The following SCGN variants were observed in gnomAD, a reference collection of about 807,000 sequenced individuals.
SCGN encodes the protein secretagogin, EF-hand calcium binding protein, also known as secretagogin.
Under a neutral mutation model 39.7 loss-of-function variants are expected in SCGN, and 30 were observed. The observed-to-expected ratio is 0.76, with a 90% CI of 0.57 to 1.03. The LOEUF (loss-of-function observed/expected upper bound fraction) is 1.03, where lower values mean the gene tolerates loss of function less well. SCGN is among the 50% of genes least tolerant of loss of function. The pLI is 0.00. For synonymous variants in SCGN, 106 were observed against 114.1 expected, an observed-to-expected ratio of 0.93 and a Z score of 0.45; for missense variants, 353 against 349.4, an observed-to-expected ratio of 1.01 and a Z score of -0.08.
At chr6:25,671,880 A>T (rs1759501974) in intron 6 of SCGN, among the ~76,000 whole-genome samples, 2 of 152,240 alleles carry the variant, frequency 1.3e-5, no homozygotes, top group Non-Finnish European at 1.5e-5. Context: ...TCTCGATTTT[A>T]TTGACTTATA....
At position 25,655,675 on chromosome 6, in the gene SCGN, T is replaced by G. The variant is rs182942359; in HGVS notation, c.153+2223T>G. Among the ~76,000 whole-genome samples, 26 of 152,300 alleles carry G rather than the reference T, an allele frequency of 1.7e-4. No homozygotes were observed. In the East Asian group the frequency reaches 5.0e-3, roughly 29 times the overall value. On this transcript the variant is annotated intron_variant, in intron 2 of 10. Coordinates refer to ENST00000377961, the MANE Select transcript of SCGN (RefSeq NM_006998.4). Reference sequence around the variant, plus strand: ...ATGCCTGAGAATTATATTTTTTTGTTAAAATGCAGACCCCTAGGTCTCATC... The same window carrying G: ...ATGCCTGAGAATTATATTTTTTTGTGAAAATGCAGACCCCTAGGTCTCATC...
chr6:25,658,298 C>T (rs956766446), intron 2 of SCGN, among the ~76,000 whole-genome samples: 1 of 151,654 alleles, frequency 6.6e-6, no homozygotes, highest in African/African-American at 2.4e-5. Context: ...CTGAGCCTCC[C>T]AAAGTGCTGG....
chr6:25,687,468 C>A (rs1214080410), intron 7 of SCGN, among the ~76,000 whole-genome samples: 1 of 151,954 alleles, frequency 6.6e-6, no homozygotes, highest in Non-Finnish European at 1.5e-5. Context: ...ATTCTGAATT[C>A]CACTTTTGGA....
chr6:25,689,096 C>A, intron 7 of SCGN, 76 bp from the exon 8 acceptor site: 1 of 993,134 alleles, frequency 1.0e-6, no homozygotes, highest in Non-Finnish European at 1.5e-6. Context: ...GTACTTTCCA[C>A]ACACCAGGGC....
At chr6:25,664,827 T>C (rs1028275480) in intron 3 of SCGN, 116 bp from the exon 4 acceptor site, 13 of 661,228 alleles carry the variant, frequency 2.0e-5, no homozygotes, top group Non-Finnish European at 2.9e-5. Flanking sequence ...CTGTTCATCC[T>C]GGAAGATCTG....
chr6:25,699,272 G>A (rs1476760362), intron 10 of SCGN, among the ~76,000 whole-genome samples: 2 of 152,094 alleles, frequency 1.3e-5, no homozygotes, highest in African/African-American at 4.8e-5. Flanking sequence ...GAATTTGGTG[G>A]AAAGGCTTTA....
chr6:25,662,667 A>T (rs1338837534), intron 3 of SCGN, among the ~76,000 whole-genome samples: 1 of 152,238 alleles, frequency 6.6e-6, no homozygotes, highest in Non-Finnish European at 1.5e-5. Flanking sequence ...CGTGTTCACC[A>T]GGAGACTGCC....
chr6:25,684,385 T>C lies in SCGN; in HGVS notation c.527+2379T>C, dbSNP rs1029101216. Among the ~76,000 whole-genome samples, 11 of 152,300 alleles carry C rather than the reference T, an allele frequency of 7.2e-5. No individual in the cohort carries two copies. The East Asian group carries it at 1.7e-3, about 24-fold the overall frequency. ...GATACCAGATACCCAAATCCTCGGA[T>C]GTTCAAGTCCCACAATTGGCCCTGA... On this transcript the variant is annotated intron_variant, in intron 7 of 10. Transcript: ENST00000377961.
At chr6:25,663,154 G>C (rs893125054) in intron 3 of SCGN, among the ~76,000 whole-genome samples, 7 of 152,184 alleles carry the variant, frequency 4.6e-5, no homozygotes, top group African/African-American at 1.7e-4. Flanking sequence ...GTGAGTCTAA[G>C]GAGCAGCAAG....
chr6:25,669,885 A>G (rs1759472232), intron 5 of SCGN, 114 bp from the exon 6 acceptor site: 2 of 908,964 alleles, frequency 2.2e-6, no homozygotes, highest in Admixed American at 1.9e-5. Flanking sequence ...TGCTAAAAGC[A>G]TTTTATTTCC....
intron 4 of SCGN, among the ~76,000 whole-genome samples, chr6:25,666,192 A>C (rs1371618185): frequency 6.6e-6 from 1 of 150,986 alleles, no homozygotes; most frequent in African/African-American, 2.4e-5. Context: ...AAAAAAAAAA[A>C]AAAAAATACA....
At chr6:25,671,889 T>A (rs897211688) in intron 6 of SCGN, among the ~76,000 whole-genome samples, 7 of 152,248 alleles carry the variant, frequency 4.6e-5, no homozygotes, top group African/African-American at 1.4e-4. Flanking sequence ...TATTGACTTA[T>A]AAAACATGAC....
intron 3 of SCGN, 56 bp from the exon 4 acceptor site, chr6:25,664,887 C>T: frequency 7.3e-7 from 1 of 1,376,708 alleles, no homozygotes; most frequent in Non-Finnish European, 1.0e-6. Flanking sequence ...CCAGGGAGCA[C>T]TCTTGAAATG....
At chr6:25,689,752 C>CT (rs557962879) in intron 9 of SCGN, among the ~76,000 whole-genome samples, 87 of 148,824 alleles carry the variant, frequency 5.8e-4, no homozygotes, top group East Asian at 2.2e-3. Flanking sequence ...AAAAAAATGA[C>CT]TTTTTTTTTT....
At chr6:25,689,673 T>C in intron 9 of SCGN, 141 bp downstream of exon 9, 1 of 671,068 alleles carries the variant, frequency 1.5e-6, no homozygotes, top group East Asian at 2.6e-5. Flanking sequence ...GTCAAGGTAC[T>C]CTCAACTCCT....
Position 25,681,941 on chromosome 6 carries a change from T to A in SCGN, c.472-10T>A. ...TTACAAGTACAACCATTTTCCCTTC[T>A]GCATTTCAGATGAAGATTTTTGACA... On this transcript the variant is annotated splice_polypyrimidine_tract_variant and intron_variant, in intron 6 of 10. Transcript: ENST00000377961. The A allele has an allele frequency of 6.2e-7, 1 of 1,611,090 alleles. No homozygotes were observed. Among genetic ancestry groups the A allele is most frequent in the Non-Finnish European group, 8.5e-7 (1 of 1,177,226 alleles).
intron 7 of SCGN, among the ~76,000 whole-genome samples, chr6:25,687,697 C>T (rs191867533): frequency 1.2e-4 from 19 of 152,062 alleles, no homozygotes; most frequent in Admixed American, 1.1e-3. Context: ...GTATATTTAA[C>T]GTGATTACTG....
chr6:25,666,850 T>C (rs1024754098), intron 4 of SCGN, among the ~76,000 whole-genome samples: 4 of 152,212 alleles, frequency 2.6e-5, no homozygotes, highest in African/African-American at 9.6e-5. Flanking sequence ...CTTTGTACTT[T>C]TGTATTTTCC....
At chr6:25,668,760 C>G (rs1324268318) in intron 4 of SCGN, among the ~76,000 whole-genome samples, 1 of 152,166 alleles carries the variant, frequency 6.6e-6, no homozygotes, top group African/African-American at 2.4e-5. Flanking sequence ...TTTATGCTTT[C>G]CCATCATGTC....
Sources: gnomAD v4.1 joint callset for allele counts (sites outside exome capture counted in the v4.1 genomes callset) on GRCh38, gnomAD v4.1.1 for gene constraint, MANE v1.5 for transcripts, NCBI Gene and HGNC (gene_info 2026-07-23, HGNC 2026-07-21) for gene names.